MAML2: variants seen among roughly 807,000 people sequenced by gnomAD.
The protein encoded by MAML2 is mastermind like transcriptional coactivator 2.
In MAML2, 22 loss-of-function variants were observed where a neutral mutation model predicts 96.1. The observed-to-expected ratio is 0.23, with a 90% CI of 0.16 to 0.33. The LOEUF (loss-of-function observed/expected upper bound fraction) is 0.33. Among genes scored for constraint, MAML2 ranks in the 10% least tolerant of loss-of-function variants. The pLI is 1.00. For missense variants in MAML2, 1,367 were observed against 1,392.4 expected (o/e 0.98, Z 0.29); for synonymous variants, 561 against 521.3 (o/e 1.08, Z -1.04).
intron 2 of MAML2, among the ~76,000 whole-genome samples, chr11:96,038,976 G>A (rs377250646): frequency 1.3e-5 from 2 of 152,208 alleles, no homozygotes; most frequent in African/African-American, 4.8e-5. Flanking sequence ...TCTAGGCCAG[G>A]CGGAATTACT....
At chr11:96,186,897 A>G (rs890134929) in intron 1 of MAML2, among the ~76,000 whole-genome samples, 1 of 152,326 alleles carries the variant, frequency 6.6e-6, no homozygotes, top group South Asian at 2.1e-4. Flanking sequence ...AGGCTACCAT[A>G]TGCACAAATA....
chr11:96,237,846 G>A (rs1421416710), intron 1 of MAML2, among the ~76,000 whole-genome samples: 1 of 152,218 alleles, frequency 6.6e-6, no homozygotes, highest in East Asian at 1.9e-4. Context: ...AATCTGCTAA[G>A]CTAATGTTTA....
At chr11:96,213,206 A>G (rs1861996993) in intron 1 of MAML2, among the ~76,000 whole-genome samples, 1 of 152,192 alleles carries the variant, frequency 6.6e-6, no homozygotes, top group African/African-American at 2.4e-5. Context: ...ACAGGACCCC[A>G]TTGGAGCTCT....
intron 2 of MAML2, among the ~76,000 whole-genome samples, chr11:96,022,738 A>T (rs955729349): frequency 6.6e-6 from 1 of 152,218 alleles, no homozygotes; most frequent in Non-Finnish European, 1.5e-5. Context: ...TATGTGTCTA[A>T]TGTGGCCCAT....
At position 96,037,345 on chromosome 11, in the gene MAML2, T is replaced by C. The variant is rs183269126; in HGVS notation, c.2140-45622A>G. On this transcript the variant is annotated intron_variant, in intron 2 of 4. Transcript: ENST00000524717. ...AGTGGCTACAAGATCTTTGGCTAAA[T>C]TGTCCAAAAGTCCAGGTGTTCTCTC... 1.6e-4 allele frequency among the ~76,000 whole-genome samples: 24 copies of C among 152,354 alleles called. No homozygotes were observed. The East Asian group carries it at 4.6e-3, about 29-fold the overall frequency.
At chr11:96,033,238 A>G (rs1385958596) in intron 2 of MAML2, among the ~76,000 whole-genome samples, 1 of 152,174 alleles carries the variant, frequency 6.6e-6, no homozygotes, top group Non-Finnish European at 1.5e-5. Flanking sequence ...CTTGTATCCA[A>G]GTGGTTTCCA....
chr11:96,056,312 A>C (rs1416129787), intron 2 of MAML2, among the ~76,000 whole-genome samples: 3 of 148,312 alleles, frequency 2.0e-5, no homozygotes, highest in Non-Finnish European at 4.4e-5. Flanking sequence ...ATTGGAAAGG[A>C]TTCTAAAATT....
intron 1 of MAML2, among the ~76,000 whole-genome samples, chr11:96,281,039 A>G (rs138964999): frequency 1.3e-4 from 20 of 152,370 alleles, no homozygotes; most frequent in African/African-American, 3.8e-4. Context: ...TACATTAAGC[A>G]TCATTAATAT....
chr11:96,210,073 A>G (rs927119248), intron 1 of MAML2, among the ~76,000 whole-genome samples: 2 of 152,118 alleles, frequency 1.3e-5, no homozygotes, highest in Non-Finnish European at 2.9e-5. Context: ...CTCAATAATG[A>G]CTACAAAATG....
chr11:96,155,524 A>ATTTGAATTGTATATATGAATG (rs1208315572), intron 1 of MAML2, among the ~76,000 whole-genome samples: 1 of 59,638 alleles, frequency 1.7e-5, no homozygotes, highest in Non-Finnish European at 3.8e-5. Context: ...ATATATATAT[A>ATTTGAATTGTATATATGAATG]TATATATATA....
chr11:96,091,754 T>C, intron 2 of MAML2, 138 bp downstream of exon 2: 3 of 1,282,130 alleles, frequency 2.3e-6, no homozygotes, highest in Non-Finnish European at 3.2e-6. Flanking sequence ...CTTTATGAGG[T>C]CTTCATATGA....
chr11:96,163,730 C>T (rs1376022766), intron 1 of MAML2, among the ~76,000 whole-genome samples: 2 of 152,194 alleles, frequency 1.3e-5, no homozygotes, highest in African/African-American at 4.8e-5. Flanking sequence ...GTCCTGAATA[C>T]CAAATACCAC....
chr11:96,059,675 AACCAAAATGCTCCAATGAGCATT>A (rs1859123850), intron 2 of MAML2, among the ~76,000 whole-genome samples: 1 of 152,224 alleles, frequency 6.6e-6, no homozygotes, highest in Non-Finnish European at 1.5e-5. Flanking sequence ...AAAATCTGAA[AACCAAAATGCTCCAATGAGCATT>A]TCCTTTGAAC....
chr11:96,224,655 T>C (rs2135949587), intron 1 of MAML2, among the ~76,000 whole-genome samples: 1 of 152,352 alleles, frequency 6.6e-6, no homozygotes, highest in South Asian at 2.1e-4. Context: ...ATCATCTCTG[T>C]TATACTCTCA....
At chr11:96,339,287 C>T (rs1488304088) in intron 1 of MAML2, among the ~76,000 whole-genome samples, 4 of 152,150 alleles carry the variant, frequency 2.6e-5, no homozygotes, top group East Asian at 3.8e-4. Flanking sequence ...AGCTTTCAGT[C>T]GGGAAGGGCC....
At chr11:96,101,332 C>T (rs1289073850) in intron 1 of MAML2, among the ~76,000 whole-genome samples, 5 of 152,320 alleles carry the variant, frequency 3.3e-5, no homozygotes, top group Non-Finnish European at 5.9e-5. Flanking sequence ...ATTTTGTCAG[C>T]GTGGACACTT....
At chr11:96,132,070 G>T (rs994225148) in intron 1 of MAML2, among the ~76,000 whole-genome samples, 1 of 152,148 alleles carries the variant, frequency 6.6e-6, no homozygotes, top group South Asian at 2.1e-4. Flanking sequence ...AAATTTCCTA[G>T]TGGGCAAGGA....
chr11:96,145,903 G>A (rs949314913), intron 1 of MAML2, among the ~76,000 whole-genome samples: 4 of 152,178 alleles, frequency 2.6e-5, no homozygotes, highest in South Asian at 2.1e-4. Flanking sequence ...CAGCTACTAG[G>A]GAGGCTGAGG....
chr11:96,226,131 T>C (rs1292542005), intron 1 of MAML2, among the ~76,000 whole-genome samples: 1 of 152,222 alleles, frequency 6.6e-6, no homozygotes, highest in East Asian at 1.9e-4. Context: ...ATCCTAGTGT[T>C]CCCCACCACA....
Sources: allele counts gnomAD v4.1 joint callset (sites outside exome capture counted in the v4.1 genomes callset), GRCh38; gene constraint gnomAD v4.1.1; transcripts MANE v1.5; gene names NCBI Gene and HGNC (gene_info 2026-07-23, HGNC 2026-07-21).